NALF1: variants seen among roughly 807,000 people sequenced by gnomAD.
NALF1 encodes the protein NALCN channel auxiliary factor 1.
A neutral mutation model predicts 48.4 loss-of-function variants in NALF1; 3 were observed. That is an observed-to-expected ratio of 0.06 (90% CI 0.03 to 0.16). NALF1 has a LOEUF of 0.16. Ranked by LOEUF, NALF1 falls within the 10% of genes least tolerant of loss-of-function variation. The probability of loss-of-function intolerance (pLI) is 1.00; values close to 1 mark genes in which losing one functional copy is unlikely to be tolerated. For missense variants in NALF1, 526 were observed against 571.5 expected, an observed-to-expected ratio of 0.92 and a Z score of 0.81; for synonymous variants, 262 against 245.7, an observed-to-expected ratio of 1.07 and a Z score of -0.62.
rs538702534 is a variant in NALF1 at position 107,486,372 on chromosome 13, A to G, written c.916-275617T>C. On this transcript the variant is annotated intron_variant, in intron 1 of 2. Transcript: ENST00000375915. ...CACTTTTTAGCTGAAAGGAATTCTT[A>G]GGGGAAAGATCATAGAAAGAGTTGC... Among the ~76,000 whole-genome samples, 6 of 152,334 alleles carry G rather than the reference A, an allele frequency of 3.9e-5. No homozygotes were observed. In the East Asian group the frequency reaches 1.2e-3, roughly 29 times the overall value.
At chr13:107,694,964 A>T (rs959736575) in intron 1 of NALF1, among the ~76,000 whole-genome samples, 3 of 151,886 alleles carry the variant, frequency 2.0e-5, no homozygotes, top group African/African-American at 7.3e-5. Context: ...GGTTAATTTT[A>T]GTATTTTTAG....
At chr13:107,548,867 A>G (rs1008560128) in intron 1 of NALF1, among the ~76,000 whole-genome samples, 20 of 152,150 alleles carry the variant, frequency 1.3e-4, no homozygotes, top group African/African-American at 3.6e-4. Context: ...AAATTTTATT[A>G]TAAAGACAGC....
intron 1 of NALF1, among the ~76,000 whole-genome samples, chr13:107,408,141 G>A (rs1594046465): frequency 6.6e-6 from 1 of 152,052 alleles, no homozygotes; most frequent in East Asian, 1.9e-4. Flanking sequence ...CAGGGGACAA[G>A]TAGGAATGGT....
chr13:107,363,070 T>A (rs1312405309), intron 1 of NALF1, among the ~76,000 whole-genome samples: 1 of 152,210 alleles, frequency 6.6e-6, no homozygotes, highest in African/African-American at 2.4e-5. Flanking sequence ...AATAATTAAG[T>A]CCTTCAATAC....
intron 1 of NALF1, among the ~76,000 whole-genome samples, chr13:107,345,337 T>G (rs1254249977): frequency 6.6e-6 from 1 of 152,166 alleles, no homozygotes; most frequent in Non-Finnish European, 1.5e-5. Context: ...GGAAGGACCC[T>G]GAATGGCCAA....
intron 1 of NALF1, among the ~76,000 whole-genome samples, chr13:107,339,313 G>A (rs1882625323): frequency 6.6e-6 from 1 of 151,876 alleles, no homozygotes; most frequent in South Asian, 2.1e-4. Context: ...CTTTCCCTAG[G>A]TACTGAGGCA....
chr13:107,174,215 C>T (rs904766671), intron 2 of NALF1, among the ~76,000 whole-genome samples: 2 of 152,140 alleles, frequency 1.3e-5, no homozygotes, highest in African/African-American at 4.8e-5. Context: ...CTCATGGAAA[C>T]ACCATGCATT....
At chr13:107,284,837 C>G (rs934728248) in intron 1 of NALF1, among the ~76,000 whole-genome samples, 1 of 152,084 alleles carries the variant, frequency 6.6e-6, no homozygotes, top group African/African-American at 2.4e-5. Flanking sequence ...CATGCTGGAG[C>G]CTTCGTCTTG....
intron 1 of NALF1, among the ~76,000 whole-genome samples, chr13:107,357,895 G>T (rs761514720): frequency 1.3e-5 from 2 of 152,102 alleles, no homozygotes; most frequent in Non-Finnish European, 2.9e-5. Flanking sequence ...TAATTCAGGG[G>T]TCATTGCGAG....
rs531974271 is a variant in NALF1 at position 107,621,596 on chromosome 13, T to C, written c.915+244086A>G. ...ATGATTGCGTGATTTTTTCCTCTAC[T>C]ATAGGTGTTATTACTTTCTACATCT... On this transcript the variant is annotated intron_variant, in intron 1 of 2. Coordinates refer to ENST00000375915, the MANE Select transcript of NALF1 (RefSeq NM_001080396.3). Among the ~76,000 whole-genome samples, 3 of 152,318 alleles carry C rather than the reference T, an allele frequency of 2.0e-5. No individual in the cohort carries two copies. In the South Asian group the frequency reaches 6.2e-4, roughly 32 times the overall value.
intron 1 of NALF1, among the ~76,000 whole-genome samples, chr13:107,500,236 T>G (rs1469564828): frequency 1.3e-5 from 2 of 152,178 alleles, no homozygotes; most frequent in Non-Finnish European, 2.9e-5. Context: ...TTTGTGCTGC[T>G]ACAACAGAAT....
At chr13:107,566,339 T>C (rs1281487098) in intron 1 of NALF1, among the ~76,000 whole-genome samples, 8 of 152,184 alleles carry the variant, frequency 5.3e-5, no homozygotes, top group African/African-American at 1.9e-4. Context: ...ATAGCTACCA[T>C]AACAGAGAGG....
At chr13:107,339,546 C>T (rs986606972) in intron 1 of NALF1, among the ~76,000 whole-genome samples, 1 of 151,996 alleles carries the variant, frequency 6.6e-6, no homozygotes, top group African/African-American at 2.4e-5. Flanking sequence ...CAGAGGAGTC[C>T]GGGACTCCCC....
Position 107,733,936 on chromosome 13 carries a change from C to A in NALF1, c.915+131746G>T, listed in dbSNP as rs573670509. Among the ~76,000 whole-genome samples the A allele has an allele frequency of 3.3e-5, 5 of 152,174 alleles. No individual in the cohort carries two copies. The East Asian group carries it at 9.7e-4, about 29-fold the overall frequency. On this transcript the variant is annotated intron_variant, in intron 1 of 2. Coordinates refer to ENST00000375915, the MANE Select transcript of NALF1 (RefSeq NM_001080396.3). ...CATCATACAATTTACTTACACGAAC[C>A]TAGATGGTACAGCCTACTACATACC...
chr13:107,458,615 C>T (rs1594073665), intron 1 of NALF1, among the ~76,000 whole-genome samples: 2 of 152,184 alleles, frequency 1.3e-5, no homozygotes, highest in East Asian at 3.9e-4. Context: ...CAGGAAGACG[C>T]ACAACGTTTA....
intron 1 of NALF1, among the ~76,000 whole-genome samples, chr13:107,262,464 G>A (rs372522732): frequency 2.6e-5 from 4 of 152,174 alleles, no homozygotes; most frequent in South Asian, 4.2e-4. Flanking sequence ...TCTTTTGGAC[G>A]ATGTTGGACG....
At chr13:107,824,823 C>T (rs1490989881) in intron 1 of NALF1, among the ~76,000 whole-genome samples, 2 of 152,164 alleles carry the variant, frequency 1.3e-5, no homozygotes, top group Non-Finnish European at 2.9e-5. Flanking sequence ...GCTCTTCCAT[C>T]GCTGCGTAGT....
chr13:107,704,972 ATAACTT>A (rs1881912145), intron 1 of NALF1, among the ~76,000 whole-genome samples: 1 of 152,202 alleles, frequency 6.6e-6, no homozygotes, highest in African/African-American at 2.4e-5. Flanking sequence ...CCTGGCCTAT[ATAACTT>A]ATGGAAATAT....
intron 1 of NALF1, among the ~76,000 whole-genome samples, chr13:107,278,112 T>C (rs924736743): frequency 1.3e-5 from 2 of 152,232 alleles, no homozygotes; most frequent in Non-Finnish European, 2.9e-5. Flanking sequence ...TTGTTAATCA[T>C]AGACCACATT....
Sources: gnomAD v4.1 joint callset for allele counts (sites outside exome capture counted in the v4.1 genomes callset) on GRCh38, gnomAD v4.1.1 for gene constraint, MANE v1.5 for transcripts, NCBI Gene and HGNC (gene_info 2026-07-23, HGNC 2026-07-21) for gene names.